The following TMEM132B variants were observed in gnomAD, a reference collection of about 807,000 sequenced individuals.
TMEM132B encodes the protein transmembrane protein 132B.
In TMEM132B, 18 loss-of-function variants were observed where a neutral mutation model predicts 90.8. The ratio of observed to expected loss-of-function variants is 0.20; its 90% confidence interval spans 0.14 to 0.29. TMEM132B has a LOEUF of 0.29. Among genes scored for constraint, TMEM132B ranks in the 10% least tolerant of loss-of-function variants. The pLI, the probability that TMEM132B is intolerant of heterozygous loss-of-function variation, is 1.00. For missense variants in TMEM132B, 1,096 were observed against 1,326.8 expected, an observed-to-expected ratio of 0.83 and a Z score of 2.70; for synonymous variants, 504 against 523.3, an observed-to-expected ratio of 0.96 and a Z score of 0.50.
intron 4 of TMEM132B, among the ~76,000 whole-genome samples, chr12:125,566,764 A>G (rs1012896093): frequency 7.3e-5 from 11 of 150,516 alleles, no homozygotes; most frequent in Non-Finnish European, 1.5e-5. Context: ...GGCATGCAAG[A>G]TCTAAGTCTT....
chr12:125,213,360 A>G lies in TMEM132B; in HGVS notation c.67+26494A>G, dbSNP rs923277219. 2.0e-5 allele frequency among the ~76,000 whole-genome samples: 3 copies of G among 152,178 alleles called. No homozygotes were observed. The highest frequency in any genetic ancestry group is 7.2e-5 in the African/African-American group (3 of 41,422). ...TTTGGGTTGCTTCCACCTTTTGGAT[A>G]TTGTGAATAGCACTGCTGAGAACAT... On this transcript the variant is annotated intron_variant, in intron 1 of 8. Transcript: ENST00000682704. The surrounding 1 kb of genome is among the most constrained non-coding windows in gnomAD (Gnocchi z 4.2).
chr12:125,371,656 C>G (rs325102), intron 2 of TMEM132B, among the ~76,000 whole-genome samples: 96,598 of 152,050 alleles, frequency 0.64, 31,513 homozygotes, highest in East Asian at 0.95. Flanking sequence ...TAGATCTGCT[C>G]TGTGTAATTA....
intron 4 of TMEM132B, among the ~76,000 whole-genome samples, chr12:125,539,452 C>A (rs976041072): frequency 6.6e-6 from 1 of 152,176 alleles, no homozygotes; most frequent in Admixed American, 6.5e-5. Context: ...CTCAGTGACC[C>A]GTTGTGACAC....
intron 3 of TMEM132B, among the ~76,000 whole-genome samples, chr12:125,491,660 A>G (rs569765827): frequency 6.6e-6 from 1 of 152,340 alleles, no homozygotes; most frequent in Non-Finnish European, 1.5e-5. Flanking sequence ...GTGGAGTGGA[A>G]TATTCTGCTA....
intron 1 of TMEM132B, among the ~76,000 whole-genome samples, chr12:125,284,997 G>A (rs116488733): frequency 4.5e-4 from 69 of 152,284 alleles, no homozygotes; most frequent in African/African-American, 1.5e-3. Context: ...CCAAATCCTG[G>A]CCTGCATGGA....
chr12:125,276,037 A>G (rs1363745658), intron 1 of TMEM132B, among the ~76,000 whole-genome samples: 4 of 152,196 alleles, frequency 2.6e-5, no homozygotes, highest in East Asian at 1.9e-4. Flanking sequence ...AAAGGTAAAT[A>G]CTAATGAAAA....
At chr12:125,233,244 A>T (rs1452637669) in intron 1 of TMEM132B, among the ~76,000 whole-genome samples, 1 of 152,260 alleles carries the variant, frequency 6.6e-6, no homozygotes, top group Non-Finnish European at 1.5e-5. Context: ...ATAAGGGATT[A>T]TACAGGATAG....
rs4765034 is a variant in TMEM132B, at chr12:125,277,642, G to A, written c.68-71810G>A. On this transcript the variant is annotated intron_variant, in intron 1 of 8. Transcript: ENST00000682704. This position sits in a 1 kb window ranked among gnomAD's most constrained non-coding sequence, Gnocchi z 4.3. Reference sequence around the variant, plus strand: ...CGACCCCAGAGGCAAAGAGAAAGGCGTAGAACCTCTCCAGAGCCTTTGGAG... The same window carrying A: ...CGACCCCAGAGGCAAAGAGAAAGGCATAGAACCTCTCCAGAGCCTTTGGAG... Among the ~76,000 whole-genome samples the A allele has an allele frequency of 0.22, 33,315 of 151,836 alleles. 5,985 individuals carry two copies. Among genetic ancestry groups the A allele is most frequent in the African/African-American group, 0.5 (20,467 of 41,300 alleles).
At chr12:125,390,560 A>G (rs1312783788) in intron 2 of TMEM132B, among the ~76,000 whole-genome samples, 1 of 152,262 alleles carries the variant, frequency 6.6e-6, no homozygotes, top group Non-Finnish European at 1.5e-5. Flanking sequence ...CATATAAAAT[A>G]CAGCAGACAT....
At chr12:125,639,399 T>C (rs1886571336) in intron 5 of TMEM132B, among the ~76,000 whole-genome samples, 1 of 152,266 alleles carries the variant, frequency 6.6e-6, no homozygotes, top group Non-Finnish European at 1.5e-5. Context: ...CTGATGGTGG[T>C]GTACAGAAAT....
At chr12:125,598,906 A>G (rs1440974972) in intron 5 of TMEM132B, among the ~76,000 whole-genome samples, 1 of 152,120 alleles carries the variant, frequency 6.6e-6, no homozygotes, top group Admixed American at 6.6e-5. Context: ...GGAACCAGAA[A>G]ATGGATCTAT....
chr12:125,544,849 G>A (rs1162734151), intron 4 of TMEM132B, among the ~76,000 whole-genome samples: 2 of 152,174 alleles, frequency 1.3e-5, no homozygotes, highest in Admixed American at 6.5e-5. Flanking sequence ...CAGACATCTT[G>A]GCGTTGCTGT....
chr12:125,233,556 G>A (rs114347850), intron 1 of TMEM132B, among the ~76,000 whole-genome samples: 5,550 of 152,258 alleles, frequency 0.036, 116 homozygotes, highest in Non-Finnish European at 0.041. Context: ...CAATGGCCAC[G>A]CTTAGCTGCA....
intron 4 of TMEM132B, among the ~76,000 whole-genome samples, chr12:125,543,141 C>T (rs1883999020): frequency 6.6e-6 from 1 of 152,150 alleles, no homozygotes; most frequent in Admixed American, 6.6e-5. Context: ...CATTTCTAGG[C>T]TCTACTTTTC....
At chr12:125,231,898 A>C (rs1243890951) in intron 1 of TMEM132B, among the ~76,000 whole-genome samples, 1 of 151,762 alleles carries the variant, frequency 6.6e-6, no homozygotes, top group Non-Finnish European at 1.5e-5. Context: ...CCCCCCACCA[A>C]AACTCAGTCT....
intron 3 of TMEM132B, among the ~76,000 whole-genome samples, chr12:125,435,472 A>G (rs1473694900): frequency 6.6e-6 from 1 of 152,170 alleles, no homozygotes; most frequent in Non-Finnish European, 1.5e-5. Flanking sequence ...CCTGGTCGCC[A>G]AGCAAGGACA....
chr12:125,206,050 G>A (rs1399530388), intron 1 of TMEM132B, among the ~76,000 whole-genome samples: 1 of 152,120 alleles, frequency 6.6e-6, no homozygotes, highest in Non-Finnish European at 1.5e-5. Context: ...CTTCAGAAAG[G>A]CTGTGAGTGG....
intron 3 of TMEM132B, among the ~76,000 whole-genome samples, chr12:125,500,008 A>G (rs1315357929): frequency 1.3e-5 from 2 of 152,082 alleles, no homozygotes; most frequent in Non-Finnish European, 2.9e-5. Flanking sequence ...CCCCACCCTC[A>G]CTAAACTTAA....
At chr12:125,319,787 G>C (rs1021936298) in intron 1 of TMEM132B, among the ~76,000 whole-genome samples, 3 of 152,194 alleles carry the variant, frequency 2.0e-5, no homozygotes, top group African/African-American at 7.2e-5. Context: ...GGCTGAGGTG[G>C]GAGGATCAGT....
Sources: gnomAD v4.1 joint callset for allele counts (sites outside exome capture counted in the v4.1 genomes callset) on GRCh38, gnomAD v4.1.1 for gene constraint, Gnocchi (gnomAD v3.1) non-coding constraint, MANE v1.5 for transcripts, NCBI Gene and HGNC (gene_info 2026-07-23, HGNC 2026-07-21) for gene names.